Variants in USP6NL observed in about 807,000 individuals in gnomAD.
USP6NL encodes USP6 N-terminal-like protein.
USP6NL carries 26 observed loss-of-function variants against 61.9 expected under a neutral mutation model. The ratio of observed to expected loss-of-function variants is 0.42; its 90% CI spans 0.31 to 0.58. USP6NL has a LOEUF of 0.58. USP6NL is among the 20% of genes least tolerant of loss of function. The pLI, the probability that USP6NL is intolerant of heterozygous loss-of-function variation, is 0.16. For missense variants in USP6NL, 1,114 were observed against 1,034.3 expected, an observed-to-expected ratio of 1.08 and a Z score of -1.06; for synonymous variants, 432 against 390.1, an observed-to-expected ratio of 1.11 and a Z score of -1.27.
At position 11,462,370 on chromosome 10, in the gene USP6NL, G is replaced by A; in HGVS notation, c.*71C>T. ...TTTACAATAGTATAAATACTGCTTT[G>A]GCAATTATGAACATAGCAATGTAGG... On this transcript the variant is annotated 3_prime_UTR_variant, in exon 15 of 15. Coordinates refer to ENST00000609104, the MANE Select transcript of USP6NL (RefSeq NM_014688.5). 1 of 1,501,914 alleles carries A rather than the reference G, an allele frequency of 6.7e-7. No homozygotes were observed. The highest frequency in any genetic ancestry group is 8.9e-7 in the Non-Finnish European group (1 of 1,117,418). 93.0% of individuals were successfully genotyped at this position (1,501,914 alleles called of 1,614,324 possible). A position where few individuals can be genotyped will look rare whatever the true frequency, so the allele number is the denominator to read the frequency against.
chr10:11,601,341 A>G (rs1838523821), intron 1 of USP6NL, among the ~76,000 whole-genome samples: 1 of 152,224 alleles, frequency 6.6e-6, no homozygotes, highest in Non-Finnish European at 1.5e-5. Flanking sequence ...CATATGTAAC[A>G]TACTATAAAG....
In USP6NL at chr10:11,562,895, G is replaced by A; in HGVS notation, c.4+34736C>T. ...GACATCCACTTACCATGCAATCTAT[G>A]AATCACATTCCTGGGTATCTATCCC... is the stretch of plus-strand genomic sequence containing the variant. On this transcript the variant is annotated intron_variant, in intron 2 of 14. Transcript: ENST00000609104. The surrounding 1 kb of genome is among the most constrained non-coding windows in gnomAD (Gnocchi z 4.8). The A allele has an allele frequency of 2.1e-6, 1 of 485,766 alleles. No individual in the cohort carries two copies. Among genetic ancestry groups the A allele is most frequent in the Non-Finnish European group, 2.7e-6 (1 of 373,714 alleles). 30.1% of individuals were successfully genotyped at this position (485,766 alleles called of 1,614,324 possible).
chr10:11,525,316 AAATC>A lies in USP6NL; in HGVS notation c.155+66_155+69del. On this transcript the variant is annotated intron_variant, in intron 4 of 14. Transcript: ENST00000609104. This position sits in a 1 kb window ranked among gnomAD's most constrained non-coding sequence, Gnocchi z 5.0. ...ACAGCAATTATATTAAAAATAAAGA[AAATC>A]AATATAATAGGTGACCACAGAAACG... is the stretch of plus-strand genomic sequence containing the variant. 1 of 1,255,754 alleles carries A rather than the reference AAATC, an allele frequency of 8.0e-7. No individual in the cohort carries two copies. Among genetic ancestry groups the A allele is most frequent in the Non-Finnish European group, 1.1e-6 (1 of 902,018 alleles). 77.8% of individuals were successfully genotyped at this position (1,255,754 alleles called of 1,614,324 possible).
intron 1 of USP6NL, among the ~76,000 whole-genome samples, chr10:11,605,585 GCT>G (rs1288037770): frequency 2.0e-5 from 3 of 152,168 alleles, no homozygotes; most frequent in Non-Finnish European, 4.4e-5. Flanking sequence ...TAGTTACTAT[GCT>G]TACTGCATCC....
chr10:11,469,898 ATCTCCCATGAACATTTGCTG>A (rs1832656873), intron 14 of USP6NL, among the ~76,000 whole-genome samples: 1 of 152,206 alleles, frequency 6.6e-6, no homozygotes, highest in Admixed American at 6.5e-5. Context: ...ACCAACGTCC[ATCTCCCATGAACATTTGCTG>A]ATGCTAACGC....
In USP6NL at chr10:11,540,721, T is replaced by C. The variant is rs1282947797; in HGVS notation, c.5-13154A>G. ...ACGATCAACCCAATGGTAACATTTC[T>C]ACCCTTTAAATAAAAAATAATGTGC... On this transcript the variant is annotated intron_variant, in intron 2 of 14. Coordinates refer to ENST00000609104, the MANE Select transcript of USP6NL (RefSeq NM_014688.5). This position sits in a 1 kb window ranked among gnomAD's most constrained non-coding sequence, Gnocchi z 5.0. Among the ~76,000 whole-genome samples, 1 of 152,208 alleles carries C rather than the reference T, an allele frequency of 6.6e-6. No individual in the cohort carries two copies. The highest frequency in any genetic ancestry group is 2.4e-5 in the African/African-American group (1 of 41,444).
At chr10:11,514,881 T>C (rs1834888131) in intron 5 of USP6NL, among the ~76,000 whole-genome samples, 1 of 152,252 alleles carries the variant, frequency 6.6e-6, no homozygotes, top group Non-Finnish European at 1.5e-5. Context: ...TCTCCACCTC[T>C]ACTCCCTCTG....
chr10:11,602,999 AT>A lies in USP6NL; in HGVS notation c.-83-5283del, dbSNP rs940002043. ...ACGTCACATTTCTACAGCTTTAAGT[AT>A]TTTCTCAGCGCAAAAGTAAAGCAAA... On this transcript the variant is annotated intron_variant, in intron 1 of 14. Transcript: ENST00000609104. This position sits in a 1 kb window ranked among gnomAD's most constrained non-coding sequence, Gnocchi z 4.8. Among the ~76,000 whole-genome samples, 2 of 152,194 alleles carry A rather than the reference AT, an allele frequency of 1.3e-5. No individual in the cohort carries two copies. Among genetic ancestry groups the A allele is most frequent in the African/African-American group, 4.8e-5 (2 of 41,452 alleles).
chr10:11,469,399 A>C (rs1170684586), intron 14 of USP6NL, among the ~76,000 whole-genome samples: 3 of 152,230 alleles, frequency 2.0e-5, no homozygotes, highest in Non-Finnish European at 4.4e-5. Context: ...TGAGGGTTAT[A>C]AATATCCAAG....
chr10:11,563,609 C>A (rs577695968), intron 2 of USP6NL: 1 of 152,198 alleles, frequency 6.6e-6, no homozygotes, highest in South Asian at 2.1e-4. Context: ...TCCTATGAAT[C>A]CATAATTATT....
intron 8 of USP6NL, among the ~76,000 whole-genome samples, chr10:11,492,742 T>C (rs1481814292): frequency 6.6e-6 from 1 of 152,260 alleles, no homozygotes; most frequent in East Asian, 1.9e-4. Flanking sequence ...ATTTCTCATT[T>C]CATGTCCCTT....
chr10:11,569,665 T>C (rs533583569), intron 2 of USP6NL, among the ~76,000 whole-genome samples: 1 of 152,192 alleles, frequency 6.6e-6, no homozygotes, highest in Non-Finnish European at 1.5e-5. Context: ...GCCATCCAGA[T>C]GGAGCAGCAC....
At chr10:11,541,836 A>G (rs908745945) in intron 2 of USP6NL, among the ~76,000 whole-genome samples, 2 of 152,216 alleles carry the variant, frequency 1.3e-5, no homozygotes, top group African/African-American at 4.8e-5. Context: ...AAGACACTGG[A>G]ATGAAATGCA....
intron 2 of USP6NL, among the ~76,000 whole-genome samples, chr10:11,588,406 A>G (rs756117700): frequency 2.0e-5 from 3 of 152,334 alleles, no homozygotes; most frequent in Non-Finnish European, 4.4e-5. Flanking sequence ...GGAACCATAC[A>G]CTGAGGTACA....
intron 14 of USP6NL, among the ~76,000 whole-genome samples, chr10:11,475,366 G>C (rs1205402418): frequency 1.3e-5 from 2 of 151,168 alleles, no homozygotes; most frequent in East Asian, 1.9e-4. Context: ...CCAGCACTTA[G>C]GGATCACCTG....
At chr10:11,492,720 A>G (rs563739088) in intron 8 of USP6NL, among the ~76,000 whole-genome samples, 2 of 152,364 alleles carry the variant, frequency 1.3e-5, no homozygotes, top group Non-Finnish European at 1.5e-5. Flanking sequence ...GCAATGATGT[A>G]TCAATTCATT....
intron 4 of USP6NL, among the ~76,000 whole-genome samples, chr10:11,524,485 T>C (rs1258959420): frequency 6.6e-6 from 1 of 152,132 alleles, no homozygotes; most frequent in African/African-American, 2.4e-5. Context: ...CTGGGAACTG[T>C]TTCTGTCTGT....
At position 11,462,786 on chromosome 10, in the gene USP6NL, T is replaced by G. The variant is rs2096220626; in HGVS notation, c.2142A>C (p.Ser714=). 6.2e-7 allele frequency: 1 copy of G among 1,613,916 alleles called. No homozygotes were observed. Among genetic ancestry groups the G allele is most frequent in the African/African-American group, 1.3e-5 (1 of 74,924 alleles). Residue 714 remains serine (S), a synonymous_variant, in exon 15 of 15, where the codon TCA becomes TCC. Coordinates refer to ENST00000609104, the MANE Select transcript of USP6NL (RefSeq NM_014688.5). ...DTGAGGYSGN[S]GSPKNGKLII... is the part of the protein sequence containing the mutation. ...TCAATTTTCCATTCTTTGGTGACCC[T>G]GAATTGCCCGAATATCCCCCAGCAC...
At chr10:11,572,547 G>A (rs1364530469) in intron 2 of USP6NL, among the ~76,000 whole-genome samples, 3 of 151,216 alleles carry the variant, frequency 2.0e-5, no homozygotes, top group African/African-American at 7.3e-5. Context: ...TTCTTTATAT[G>A]GTTGACTATT....
Sources: allele counts gnomAD v4.1 joint callset (sites outside exome capture counted in the v4.1 genomes callset), GRCh38; gene constraint gnomAD v4.1.1; non-coding constraint Gnocchi (gnomAD v3.1); transcripts MANE v1.5; gene names NCBI Gene and HGNC (gene_info 2026-07-23, HGNC 2026-07-21).